The following NAALADL2 variants were observed in gnomAD, a reference collection of about 807,000 sequenced individuals.
The protein encoded by NAALADL2 is N-acetylated alpha-linked acidic dipeptidase like 2.
Under a neutral mutation model 87.2 loss-of-function variants are expected in NAALADL2, and 76 were observed. The ratio of observed to expected loss-of-function variants is 0.87; its 90% CI spans 0.72 to 1.05. The LOEUF is 1.05. Ranked by LOEUF, NAALADL2 falls within the 50% of genes least tolerant of loss-of-function variation. NAALADL2 has a pLI of 0.00. For missense variants in NAALADL2, 1,089 were observed against 945.8 expected, an observed-to-expected ratio of 1.15 and a Z score of -1.99; for synonymous variants, 354 against 331.0, an observed-to-expected ratio of 1.07 and a Z score of -0.75.
chr3:174,776,051 T>A (rs1715178002), intron 3 of NAALADL2, among the ~76,000 whole-genome samples: 1 of 152,158 alleles, frequency 6.6e-6, no homozygotes, highest in South Asian at 2.1e-4. Flanking sequence ...CAGAAGCTGT[T>A]ACTGTTTTCC....
intron 4 of NAALADL2, among the ~76,000 whole-genome samples, chr3:175,314,750 A>G (rs1267636887): frequency 7.6e-6 from 1 of 131,252 alleles, no homozygotes; most frequent in Non-Finnish European, 1.6e-5. Context: ...AACAAAATGT[A>G]TTGTATAAGT....
intron 2 of NAALADL2, among the ~76,000 whole-genome samples, chr3:174,618,746 AT>A (rs1007623398): frequency 1.3e-4 from 19 of 151,930 alleles, no homozygotes; most frequent in African/African-American, 4.6e-4. Flanking sequence ...GCTCAATGTA[AT>A]TTTTTTATAG....
chr3:175,616,111 G>T (rs1011402305), intron 10 of NAALADL2, among the ~76,000 whole-genome samples: 1 of 146,024 alleles, frequency 6.8e-6, no homozygotes, highest in South Asian at 2.1e-4. Context: ...AATATTTATC[G>T]TATATATCAC....
At chr3:175,040,442 T>C (rs1753929679) in intron 1 of NAALADL2, among the ~76,000 whole-genome samples, 1 of 152,194 alleles carries the variant, frequency 6.6e-6, no homozygotes, top group South Asian at 2.1e-4. Flanking sequence ...TCTGAAGTAC[T>C]TCTAGCCTTG....
At chr3:174,749,682 G>T (rs557364975) in intron 3 of NAALADL2, among the ~76,000 whole-genome samples, 1 of 152,086 alleles carries the variant, frequency 6.6e-6, no homozygotes, top group African/African-American at 2.4e-5. Context: ...AGGTGGGTTG[G>T]GTTTCCCAGG....
Position 175,485,859 on chromosome 3 carries a change from G to A in NAALADL2, c.1653+14101G>A, listed in dbSNP as rs183194223. Among the ~76,000 whole-genome samples, 81 of 152,200 alleles carry A rather than the reference G, an allele frequency of 5.3e-4. 1 individual carries two copies. The East Asian group carries it at 0.013, about 25-fold the overall frequency. On this transcript the variant is annotated intron_variant, in intron 9 of 13. Coordinates refer to ENST00000454872, the MANE Select transcript of NAALADL2 (RefSeq NM_207015.3). ...ATCATGTTGACACTTAATATTAACC[G>A]TCACAGAGCTCTTAGAAGAAGAGAC...
intron 13 of NAALADL2, among the ~76,000 whole-genome samples, chr3:175,795,702 T>A (rs1753388192): frequency 6.7e-6 from 1 of 149,224 alleles, no homozygotes; most frequent in African/African-American, 2.5e-5. Context: ...AAAAATAAAA[T>A]AAAATAAAAT....
intron 2 of NAALADL2, among the ~76,000 whole-genome samples, chr3:174,715,198 T>C (rs1578657010): frequency 6.6e-6 from 1 of 152,160 alleles, no homozygotes; most frequent in South Asian, 2.1e-4. Context: ...TTTCAATATA[T>C]CACCTAGTTA....
intron 5 of NAALADL2, among the ~76,000 whole-genome samples, chr3:175,380,251 C>G (rs1366607549): frequency 3.3e-5 from 5 of 151,944 alleles, no homozygotes; most frequent in Non-Finnish European, 7.4e-5. Flanking sequence ...ATCCATGTCC[C>G]CTTTTCTTCC....
intron 1 of NAALADL2, among the ~76,000 whole-genome samples, chr3:175,093,712 G>T (rs1720600549): frequency 6.6e-6 from 1 of 151,682 alleles, no homozygotes; most frequent in African/African-American, 2.4e-5. Flanking sequence ...TTTGGAGTTT[G>T]TTACACCAAG....
intron 3 of NAALADL2, among the ~76,000 whole-genome samples, chr3:175,243,619 A>G (rs1581089459): frequency 1.4e-5 from 2 of 146,694 alleles, no homozygotes; most frequent in South Asian, 4.3e-4. Flanking sequence ...GCAATGGACT[A>G]GATTGCCAAT....
intron 2 of NAALADL2, among the ~76,000 whole-genome samples, chr3:174,720,278 T>C (rs542039952): frequency 8.1e-4 from 124 of 152,270 alleles, no homozygotes; most frequent in African/African-American, 2.8e-3. Flanking sequence ...TATTATCTTT[T>C]TAAAAATAGA....
chr3:174,815,213 C>T (rs904793628), intron 3 of NAALADL2, among the ~76,000 whole-genome samples: 1 of 151,942 alleles, frequency 6.6e-6, no homozygotes, highest in Admixed American at 6.6e-5. Flanking sequence ...ACAAAGTATA[C>T]CACAGACTGG....
intron 3 of NAALADL2, among the ~76,000 whole-genome samples, chr3:174,825,782 C>G (rs1553866094): frequency 3.9e-5 from 6 of 152,130 alleles, no homozygotes. Flanking sequence ...AATCCCAGCA[C>G]TTTGGGAGGC....
At chr3:174,727,640 C>T (rs1225854483) in intron 2 of NAALADL2, among the ~76,000 whole-genome samples, 1 of 152,034 alleles carries the variant, frequency 6.6e-6, no homozygotes, top group African/African-American at 2.4e-5. Context: ...CCTCCCCAAC[C>T]CCAAAGCACA....
chr3:174,637,805 A>G (rs1266883699), intron 2 of NAALADL2, among the ~76,000 whole-genome samples: 2 of 152,108 alleles, frequency 1.3e-5, no homozygotes, highest in African/African-American at 4.8e-5. Context: ...CTGTATGTAC[A>G]TATTTGGGGA....
At chr3:175,476,214 AT>A (rs1243166098) in intron 9 of NAALADL2, among the ~76,000 whole-genome samples, 1 of 152,138 alleles carries the variant, frequency 6.6e-6, no homozygotes, top group Admixed American at 6.6e-5. Context: ...CTATAGTATT[AT>A]GTCTTCATTG....
At chr3:175,103,248 A>T (rs1722542450) in intron 2 of NAALADL2, among the ~76,000 whole-genome samples, 1 of 152,080 alleles carries the variant, frequency 6.6e-6, no homozygotes, top group Non-Finnish European at 1.5e-5. Flanking sequence ...TTGATTCCTA[A>T]GTCTCGTTTG....
chr3:175,740,770 T>C (rs6791612), intron 12 of NAALADL2, among the ~76,000 whole-genome samples: 46,200 of 152,086 alleles, frequency 0.3, 8,053 homozygotes, highest in African/African-American at 0.48. Flanking sequence ...TAGGAAATGT[T>C]CTGCTCTCTC....
Sources: gnomAD v4.1 joint callset for allele counts (sites outside exome capture counted in the v4.1 genomes callset) on GRCh38, gnomAD v4.1.1 for gene constraint, MANE v1.5 for transcripts, NCBI Gene and HGNC (gene_info 2026-07-23, HGNC 2026-07-21) for gene names.